NSD2: variants seen among roughly 807,000 people sequenced by gnomAD.
NSD2 encodes the protein histone-lysine N-methyltransferase NSD2.
Under a neutral mutation model 139.0 loss-of-function variants are expected in NSD2, and 12 were observed. The ratio of observed to expected loss-of-function variants is 0.09; its 90% confidence interval spans 0.06 to 0.14. The LOEUF is 0.14. Ranked by LOEUF, NSD2 falls within the 10% of genes least tolerant of loss-of-function variation. The pLI, the probability that NSD2 is intolerant of heterozygous loss-of-function variation, is 1.00. For synonymous variants in NSD2, 669 were observed against 648.7 expected (o/e 1.03, Z -0.48); for missense variants, 1,155 against 1,745.0 (o/e 0.66, Z 6.02).
At position 1,958,153 on chromosome 4, in the gene NSD2, GT is replaced by G; in HGVS notation, c.2985+118del. 1 of 1,019,634 alleles carries G rather than the reference GT, an allele frequency of 9.8e-7. No individual in the cohort carries two copies. The highest frequency in any genetic ancestry group is 2.4e-5 in the Admixed American group (1 of 41,544). The allele number at this position is 1,019,634 out of a possible 1,614,324, so 63.2% of individuals were successfully genotyped here. ...AGAGGACTGTCACCAGCCAGGATCTGTGGTGCCTGGCATGGATGGCCACACA... is the reference window on the plus strand; with the variant it reads ...AGAGGACTGTCACCAGCCAGGATCTGGGTGCCTGGCATGGATGGCCACACA... On this transcript the variant is annotated intron_variant, in intron 16 of 21. Coordinates refer to ENST00000508803, the MANE Select transcript of NSD2 (RefSeq NM_001042424.3). The surrounding 1 kb of genome is among the most constrained non-coding windows in gnomAD (Gnocchi z 4.6).
intron 3 of NSD2, among the ~76,000 whole-genome samples, chr4:1,906,393 C>T (rs1306865199): frequency 4.6e-5 from 7 of 151,568 alleles, no homozygotes; most frequent in Admixed American, 6.6e-5. Flanking sequence ...TGCGTGCCAC[C>T]ACACCTGGCT....
intron 18 of NSD2, among the ~76,000 whole-genome samples, chr4:1,964,194 G>A (rs1725646202): frequency 1.3e-5 from 2 of 152,142 alleles, no homozygotes; most frequent in East Asian, 1.9e-4. Context: ...AGCTTTAGAC[G>A]CCACAAGAAA....
chr4:1,892,575 T>C (rs577551909), intron 1 of NSD2, among the ~76,000 whole-genome samples: 1 of 152,282 alleles, frequency 6.6e-6, no homozygotes, highest in Non-Finnish European at 1.5e-5. Flanking sequence ...GATAACTCTT[T>C]TTTTTTTTGA....
chr4:1,891,246 G>A (rs1417630513), intron 1 of NSD2, among the ~76,000 whole-genome samples: 1 of 152,218 alleles, frequency 6.6e-6, no homozygotes, highest in African/African-American at 2.4e-5. Context: ...TTCAGTGATA[G>A]CAGGGCTGAA....
chr4:1,938,416 CTTTTTTTTTTTTTTTTTTT>C lies in NSD2; in HGVS notation c.1675-28_1675-10del, dbSNP rs746279426. The C allele has an allele frequency of 3.7e-5, 12 of 320,276 alleles. No homozygotes were observed. Among genetic ancestry groups the C allele is most frequent in the African/African-American group, 5.5e-5 (1 of 18,330 alleles). 19.8% of individuals were successfully genotyped at this position (320,276 alleles called of 1,614,324 possible). ...TTTTTCTTTTCTTTTTTTTTTCTTT[CTTTTTTTTTTTTTTTTTTT>C]TTTTTTAAATAATAGAGAGACACAA... On this transcript the variant is annotated splice_polypyrimidine_tract_variant and intron_variant, in intron 7 of 21. Coordinates refer to ENST00000508803, the MANE Select transcript of NSD2 (RefSeq NM_001042424.3).
At chr4:1,885,774 G>A (rs371893111) in intron 1 of NSD2, among the ~76,000 whole-genome samples, 1 of 152,098 alleles carries the variant, frequency 6.6e-6, no homozygotes, top group East Asian at 1.9e-4. Context: ...CGGTTCTGCA[G>A]AGCTGCCCTG....
At chr4:1,933,539 G>A (rs1249838949) in intron 6 of NSD2, among the ~76,000 whole-genome samples, 1 of 151,960 alleles carries the variant, frequency 6.6e-6, no homozygotes, top group Non-Finnish European at 1.5e-5. Flanking sequence ...ACAGGCGCCC[G>A]CCACCATGAC....
intron 1 of NSD2, chr4:1,887,574 C>T (rs1715211190): frequency 6.6e-6 from 1 of 152,432 alleles, no homozygotes; most frequent in South Asian, 2.0e-4. Flanking sequence ...CTCCTGGGCT[C>T]AAGCAGTCCT....
chr4:1,974,603 T>C lies in NSD2; in HGVS notation c.3373-260T>C. On this transcript the variant is annotated intron_variant, in intron 18 of 21. Coordinates refer to ENST00000508803, the MANE Select transcript of NSD2 (RefSeq NM_001042424.3). The surrounding 1 kb of genome is among the most constrained non-coding windows in gnomAD (Gnocchi z 4.0). ...CCTTGTTTGCCATCATGGAGGATGC[T>C]GGGAGCTCCAGCTCCCTGTCCTGTC... 2 of 609,712 alleles carry C rather than the reference T, an allele frequency of 3.3e-6. No individual in the cohort carries two copies. Among genetic ancestry groups the C allele is most frequent in the Non-Finnish European group, 6.1e-6 (2 of 329,046 alleles). The allele number at this position is 609,712 out of a possible 1,614,324, so 37.8% of individuals were successfully genotyped here.
At chr4:1,943,290 A>G (rs2108909860) in intron 9 of NSD2, 1 of 1,043,502 alleles carries the variant, frequency 9.6e-7, no homozygotes, top group South Asian at 4.6e-5. Context: ...GCTGTGTTTT[A>G]TCTTTAATGA....
At chr4:1,935,040 G>T (rs1340785158) in intron 6 of NSD2, 104 bp from the exon 7 acceptor site, 5 of 729,506 alleles carry the variant, frequency 6.9e-6, no homozygotes, top group Non-Finnish European at 1.1e-5. Flanking sequence ...AACCCATCAT[G>T]GGCTGGATCT....
intron 3 of NSD2, among the ~76,000 whole-genome samples, chr4:1,904,718 G>A (rs892313576): frequency 6.6e-6 from 1 of 152,200 alleles, no homozygotes; most frequent in African/African-American, 2.4e-5. Context: ...TTGTAAAAAT[G>A]TCCAAGTGAA....
chr4:1,903,729 G>T (rs895137354), intron 2 of NSD2, among the ~76,000 whole-genome samples: 7 of 149,140 alleles, frequency 4.7e-5, no homozygotes, highest in East Asian at 2.0e-4. Flanking sequence ...GAGTGAGAGA[G>T]AAATTTTTTT....
chr4:1,932,469 C>T (rs1194276095), intron 6 of NSD2, among the ~76,000 whole-genome samples: 4 of 148,292 alleles, frequency 2.7e-5, no homozygotes, highest in Non-Finnish European at 6.0e-5. Flanking sequence ...AATTCCAGCC[C>T]GGCGCAGTGG....
chr4:1,955,395 A>G lies in NSD2; in HGVS notation c.2518+55A>G. ...CGCCTCTCACACTCCCAGGAGCCAC[A>G]TATCAAGGCAGGCTCATTCCTTGTC... is the stretch of plus-strand genomic sequence containing the variant. On this transcript the variant is annotated intron_variant, in intron 13 of 21. Transcript: ENST00000508803. This position sits in a 1 kb window ranked among gnomAD's most constrained non-coding sequence, Gnocchi z 4.7. The G allele has an allele frequency of 1.3e-6, 2 of 1,552,826 alleles. No individual in the cohort carries two copies. The highest frequency in any genetic ancestry group is 1.2e-5 in the South Asian group (1 of 85,200).
chr4:1,916,372 G>A (rs148090826), intron 3 of NSD2, among the ~76,000 whole-genome samples: 1 of 151,892 alleles, frequency 6.6e-6, no homozygotes, highest in African/African-American at 2.4e-5. Context: ...TTGAGACAGG[G>A]TCTAGCTCTG....
intron 1 of NSD2, among the ~76,000 whole-genome samples, chr4:1,884,140 G>C (rs1016258419): frequency 6.6e-6 from 1 of 152,144 alleles, no homozygotes; most frequent in African/African-American, 2.4e-5. Context: ...CTGTCACCCA[G>C]GCTGGAGTGC....
chr4:1,943,289 T>G lies in NSD2; in HGVS notation c.1881+3511T>G, dbSNP rs1723288605. 2.9e-6 allele frequency: 3 copies of G among 1,043,592 alleles called. No homozygotes were observed. In the East Asian group the frequency reaches 1.7e-4, roughly 59 times the overall value. The allele number at this position is 1,043,592 out of a possible 1,614,324, so 64.6% of individuals were successfully genotyped here. ...CCCGGCAGATTCTTTGGCTGTGTTT[T>G]ATCTTTAATGAACGTTTCTGACTAA... On this transcript the variant is annotated intron_variant, in intron 9 of 21. Coordinates refer to ENST00000508803, the MANE Select transcript of NSD2 (RefSeq NM_001042424.3).
At chr4:1,941,291 T>C in intron 9 of NSD2, 1 of 1,056,544 alleles carries the variant, frequency 9.5e-7, no homozygotes, top group Non-Finnish European at 1.1e-6. Context: ...TATCATAATT[T>C]TGGTCCGGTT....
Sources: gnomAD v4.1 joint callset for allele counts (sites outside exome capture counted in the v4.1 genomes callset) on GRCh38, gnomAD v4.1.1 for gene constraint, Gnocchi (gnomAD v3.1) non-coding constraint, MANE v1.5 for transcripts, NCBI Gene and HGNC (gene_info 2026-07-23, HGNC 2026-07-21) for gene names.